CCDC102B: variants seen among roughly 807,000 people sequenced by gnomAD.
The protein encoded by CCDC102B is coiled-coil domain-containing protein 102B.
A neutral mutation model predicts 57.4 loss-of-function variants in CCDC102B; 75 were observed. The observed-to-expected ratio is 1.31, with a 90% confidence interval of 1.08 to 1.58. The LOEUF is 1.58. Ranked by LOEUF, CCDC102B falls within the 40% of genes most tolerant of loss-of-function variation. CCDC102B has a pLI of 0.00. For missense variants in CCDC102B, 636 were observed against 582.6 expected (o/e 1.09, Z -0.94); for synonymous variants, 206 against 201.9 (o/e 1.02, Z -0.17).
In CCDC102B at chr18:68,775,798, C is replaced by T. The variant is rs1356507399; in HGVS notation, c.-66-47568C>T. Among the ~76,000 whole-genome samples, 10 of 151,758 alleles carry T rather than the reference C, an allele frequency of 6.6e-5. No homozygotes were observed. The East Asian group carries it at 7.8e-4, about 12-fold the overall frequency. ...CCTCCTGAGTAGCTGGGACTACAGG[C>T]GCCCGCCACCACGCCCAGCTAATTT... is the stretch of plus-strand genomic sequence containing the variant. On this transcript the variant is annotated intron_variant, in intron 2 of 3. Transcript: ENST00000578970.
chr18:68,848,047 AAAACT>A (rs1218417836), intron 4 of CCDC102B, among the ~76,000 whole-genome samples: 1 of 151,782 alleles, frequency 6.6e-6, no homozygotes, highest in African/African-American at 2.4e-5. Flanking sequence ...AAAATGTTTA[AAAACT>A]AAACAAACAA....
upstream of CCDC102B, among the ~76,000 whole-genome samples, chr18:68,794,110 T>C (rs1235445821): frequency 6.6e-6 from 1 of 152,148 alleles, no homozygotes; most frequent in Non-Finnish European, 1.5e-5. Flanking sequence ...CTGATGACAG[T>C]GGCTTCACCA....
At chr18:68,859,151 T>C (rs2144872589) in intron 4 of CCDC102B, 1 of 146,062 alleles carries the variant, frequency 6.8e-6, no homozygotes, top group Non-Finnish European at 1.5e-5. Flanking sequence ...ATGCCGCATA[T>C]CTACAACTAT....
At chr18:68,808,492 T>TTC (rs2036117804) in intron 1 of CCDC102B, among the ~76,000 whole-genome samples, 1 of 145,914 alleles carries the variant, frequency 6.9e-6, no homozygotes, top group Non-Finnish European at 1.5e-5. Flanking sequence ...TTTTTTTTTT[T>TTC]TGTGAGACAG....
At chr18:68,901,083 C>T (rs2040433736) in intron 6 of CCDC102B, among the ~76,000 whole-genome samples, 1 of 152,116 alleles carries the variant, frequency 6.6e-6, no homozygotes, top group South Asian at 2.1e-4. Flanking sequence ...AGCAGAAAAT[C>T]TTACCCGAGG....
At chr18:68,798,968 G>A (rs1161987628) in intron 1 of CCDC102B, among the ~76,000 whole-genome samples, 1 of 151,882 alleles carries the variant, frequency 6.6e-6, no homozygotes, top group Non-Finnish European at 1.5e-5. Context: ...AAATATGTCA[G>A]TAACATAGGA....
At chr18:69,052,151 A>G (rs1231020353) in intron 7 of CCDC102B, among the ~76,000 whole-genome samples, 3 of 152,000 alleles carry the variant, frequency 2.0e-5, no homozygotes, top group African/African-American at 4.8e-5. Flanking sequence ...ACAGAAAAAA[A>G]GAAATGGAAA....
At chr18:68,856,056 A>G (rs191726810) in intron 4 of CCDC102B, among the ~76,000 whole-genome samples, 22 of 152,268 alleles carry the variant, frequency 1.4e-4, no homozygotes, top group Admixed American at 1.2e-3. Flanking sequence ...GAAATGTAAG[A>G]TCTTTCATTG....
intron 5 of CCDC102B, among the ~76,000 whole-genome samples, chr18:68,881,797 GTCTC>G (rs926017467): frequency 5.7e-4 from 86 of 151,776 alleles, no homozygotes; most frequent in Admixed American, 1.2e-3. Flanking sequence ...CATTCTCTCT[GTCTC>G]TCTCTGTCAT....
chr18:68,843,514 TC>T (rs1233595339), intron 3 of CCDC102B, among the ~76,000 whole-genome samples: 4 of 152,104 alleles, frequency 2.6e-5, no homozygotes, highest in Non-Finnish European at 5.9e-5. Context: ...AAACAAAGTA[TC>T]AAAAAATGCA....
chr18:68,837,831 C>G (rs2037451395), intron 2 of CCDC102B, among the ~76,000 whole-genome samples: 1 of 152,196 alleles, frequency 6.6e-6, no homozygotes, highest in Non-Finnish European at 1.5e-5. Context: ...TATCCTTCGT[C>G]TGACTTCAAT....
Position 68,838,874 on chromosome 18 carries a change from G to A in CCDC102B, c.775G>A (p.Ala259Thr). 1 of 1,613,974 alleles carries A rather than the reference G, an allele frequency of 6.2e-7. No individual in the cohort carries two copies. Among genetic ancestry groups the A allele is most frequent in the Non-Finnish European group, 8.5e-7 (1 of 1,179,964 alleles). The part of the protein sequence containing the change: ...PLENEVTEIS[A>T]LQVHLDEFQK... The stretch of plus-strand genomic sequence containing the variant: ...GGAAAATGAAGTAACTGAAATTTCA[G>A]CTTTGCAGGTGCATTTGGATGAATT... Residue 259 changes from alanine to threonine, a missense_variant, in exon 3 of 8, where the codon GCT becomes ACT. By Grantham distance (58) the Ala-to-Thr change is moderately conservative. Transcript: ENST00000360242.
At chr18:68,784,264 A>T (rs1290795150) in intron 2 of CCDC102B, among the ~76,000 whole-genome samples, 1 of 152,138 alleles carries the variant, frequency 6.6e-6, no homozygotes, top group Non-Finnish European at 1.5e-5. Flanking sequence ...TCATGGCAGA[A>T]GGCAAAGGGT....
rs1443183098 is a variant in CCDC102B, at chr18:68,838,897, A to C, written c.798A>C (p.Glu266Asp). ...CAGCTTTGCAGGTGCATTTGGATGAATTCCAAAAAATCTTATGGAAGGAAA... is the reference window on the plus strand; with the variant it reads ...CAGCTTTGCAGGTGCATTTGGATGACTTCCAAAAAATCTTATGGAAGGAAA... ...EISALQVHLD[E>D]FQKILWKERE... is the part of the protein sequence containing the mutation. Residue 266 changes from glutamate (E) to aspartate (D), a missense_variant, in exon 3 of 8, where the codon GAA becomes GAC. Physicochemically the swap from Glu to Asp is conservative, Grantham distance 45 (BLOSUM62 2). Coordinates refer to ENST00000360242, the MANE Select transcript of CCDC102B (RefSeq NM_024781.3). 6.2e-7 allele frequency: 1 copy of C among 1,613,924 alleles called. No homozygotes were observed. The highest frequency in any genetic ancestry group is 1.7e-5 in the Admixed American group (1 of 60,018).
intron 6 of CCDC102B, among the ~76,000 whole-genome samples, chr18:68,961,403 T>C (rs1465710771): frequency 6.6e-6 from 1 of 152,020 alleles, no homozygotes; most frequent in Non-Finnish European, 1.5e-5. Flanking sequence ...TATAGGATTA[T>C]GACAAAAATT....
intron 2 of CCDC102B, among the ~76,000 whole-genome samples, chr18:68,737,252 A>G (rs2033174378): frequency 6.6e-6 from 1 of 152,142 alleles, no homozygotes; most frequent in Admixed American, 6.5e-5. Context: ...GCTCATGTAC[A>G]CTTGTTTCTC....
At chr18:69,005,673 A>C (rs2051321936) in intron 6 of CCDC102B, among the ~76,000 whole-genome samples, 2 of 151,740 alleles carry the variant, frequency 1.3e-5, no homozygotes, top group Non-Finnish European at 2.9e-5. Context: ...AGAGAGCAAT[A>C]TCCTTACATA....
chr18:68,911,719 T>A (rs1404428757), intron 6 of CCDC102B, among the ~76,000 whole-genome samples: 2 of 104,780 alleles, frequency 1.9e-5, no homozygotes, highest in African/African-American at 8.4e-5. Flanking sequence ...GCCACTGCAC[T>A]CCAGCCTGGG....
At chr18:68,879,116 G>T (rs757569017) in intron 5 of CCDC102B, among the ~76,000 whole-genome samples, 1 of 151,906 alleles carries the variant, frequency 6.6e-6, no homozygotes, top group Non-Finnish European at 1.5e-5. Context: ...ATTCCTCCCA[G>T]TGGGCTCGTG....
Sources: gnomAD v4.1 joint callset for allele counts (sites outside exome capture counted in the v4.1 genomes callset) on GRCh38, gnomAD v4.1.1 for gene constraint, MANE v1.5 for transcripts, NCBI Gene and HGNC (gene_info 2026-07-23, HGNC 2026-07-21) for gene names.